The following DNAJC10 variants were observed in gnomAD, a reference collection of about 807,000 sequenced individuals.
DNAJC10 encodes the protein DnaJ heat shock protein family (Hsp40) member C10, also known as endoplasmic reticulum disulfide reductase DNAJC10.
Under a neutral mutation model 115.0 loss-of-function variants are expected in DNAJC10, and 101 were observed. The observed-to-expected ratio is 0.88, with a 90% CI of 0.75 to 1.04. The LOEUF is 1.04. DNAJC10 is among the 50% of genes least tolerant of loss of function. The pLI, the probability that DNAJC10 is intolerant of heterozygous loss-of-function variation, is 0.00. For synonymous variants in DNAJC10, 307 were observed against 301.5 expected (o/e 1.02, Z -0.19); for missense variants, 981 against 928.8 (o/e 1.06, Z -0.73).
intron 14 of DNAJC10, among the ~76,000 whole-genome samples, chr2:182,749,897 G>C (rs1468463415): frequency 2.0e-5 from 3 of 152,128 alleles, no homozygotes. Context: ...AAGGGCTGTG[G>C]TCATCTGAAG....
Position 182,775,393 on chromosome 2 carries a change from T to G in DNAJC10, c.2343T>G (p.Thr781=). Residue 781 remains threonine, a synonymous_variant, in exon 23 of 24, where the codon ACT becomes ACG. Coordinates refer to ENST00000264065, the MANE Select transcript of DNAJC10 (RefSeq NM_018981.4). ...CCTTAATAAGTGAAAAATTGGAAACTCTCCGAAATCAAGGCAAGAGGAATA... is the reference window on the plus strand; with the variant it reads ...CCTTAATAAGTGAAAAATTGGAAACGCTCCGAAATCAAGGCAAGAGGAATA... ...IAALISEKLE[T]LRNQGKRNKD... is the part of the protein sequence containing the mutation. The G allele has an allele frequency of 6.2e-7, 1 of 1,612,774 alleles. No individual in the cohort carries two copies. Among genetic ancestry groups the G allele is most frequent in the Non-Finnish European group, 8.5e-7 (1 of 1,179,206 alleles).
Position 182,743,626 on chromosome 2 carries a change from C to T in DNAJC10, c.1220C>T (p.Pro407Leu), listed in dbSNP as rs776733960. ...QVGRFDCSSA[P>L]DICSNLYVFQ... ...GGCAGGTTTGACTGTTCCTCTGCACCAGACATCTGTAGTAATCTGTATGTT... is the reference window on the plus strand; with the variant it reads ...GGCAGGTTTGACTGTTCCTCTGCACTAGACATCTGTAGTAATCTGTATGTT... Residue 407 changes from proline to leucine, a missense_variant, in exon 14 of 24, where the codon CCA (proline) becomes CTA (leucine). Physicochemically the swap from Pro to Leu is moderately conservative, Grantham distance 98. Coordinates refer to ENST00000264065, the MANE Select transcript of DNAJC10 (RefSeq NM_018981.4). 8 of 1,613,232 alleles carry T rather than the reference C, an allele frequency of 5.0e-6. No individual in the cohort carries two copies. In the South Asian group the frequency reaches 7.7e-5, roughly 16 times the overall value.
intron 10 of DNAJC10, among the ~76,000 whole-genome samples, chr2:182,733,883 A>G (rs1693517971): frequency 6.6e-6 from 1 of 151,418 alleles, no homozygotes; most frequent in African/African-American, 2.4e-5. Context: ...TCGTTCTTTG[A>G]AGCAAATGTG....
rs1224429683 is a variant in DNAJC10, at chr2:182,778,413, CAT to C, written c.*1282_*1283del. The C allele has an allele frequency of 2.6e-5, 4 of 152,074 alleles. No individual in the cohort carries two copies. The highest frequency in any genetic ancestry group is 5.9e-5 in the Non-Finnish European group (4 of 68,012). The allele number at this position is 152,074 out of a possible 1,614,324, so 9.4% of individuals were successfully genotyped here. A position where few individuals can be genotyped will look rare whatever the true frequency, so the allele number is the denominator to read the frequency against. The stretch of plus-strand genomic sequence containing the variant: ...CAAAGAATCACAAATTTGTCAGTAA[CAT>C]GTAGTTGTTTAGTTATAATTCAGAG... On this transcript the variant is annotated 3_prime_UTR_variant, in exon 24 of 24. Coordinates refer to ENST00000264065, the MANE Select transcript of DNAJC10 (RefSeq NM_018981.4).
chr2:182,756,341 C>G lies in DNAJC10; in HGVS notation c.1681C>G (p.Leu561Val). The G allele has an allele frequency of 1.9e-6, 3 of 1,613,826 alleles. No individual in the cohort carries two copies. Among genetic ancestry groups the G allele is most frequent in the Non-Finnish European group, 2.5e-6 (3 of 1,179,794 alleles). The change falls in exon 18 of 24, where the codon CTT becomes GTT. Residue 561 changes from leucine to valine, a missense_variant. Physicochemically the swap from Leu to Val is conservative, Grantham distance 32. Transcript: ENST00000264065. Reference protein sequence around the residue: ...EDLMNPSVVSLTPTTFNELVT... With the variant: ...EDLMNPSVVSVTPTTFNELVT... ...TCTTATGAATCCTTCAGTGGTCTCC[C>G]TTACACCCACCACCTTCAACGAACT... is the stretch of plus-strand genomic sequence containing the variant.
intron 16 of DNAJC10, chr2:182,754,717 A>G: frequency 4.5e-6 from 5 of 1,106,780 alleles, no homozygotes; most frequent in Non-Finnish European, 5.5e-6. Flanking sequence ...GTAAAAAGGG[A>G]CCATTCGTAT....
chr2:182,758,931 A>G, intron 20 of DNAJC10, 41 bp downstream of exon 20: 1 of 1,437,764 alleles, frequency 7.0e-7, no homozygotes, highest in East Asian at 2.3e-5. Flanking sequence ...AAATAGATTC[A>G]AAGCCATTTA....
In DNAJC10 at chr2:182,782,948, T is replaced by C. The variant is rs2105722381; in HGVS notation, c.*5816T>C. On this transcript the variant is annotated 3_prime_UTR_variant, in exon 24 of 24. Transcript: ENST00000264065. ...TGTCCTGGCCAGAACTTCCAGTACA[T>C]AGGAGTGGTGAGAGAGGGCATCCTT... is the stretch of plus-strand genomic sequence containing the variant. 6.6e-6 allele frequency: 1 copy of C among 152,088 alleles called. No individual in the cohort carries two copies. Among genetic ancestry groups the C allele is most frequent in the East Asian group, 1.9e-4 (1 of 5,168 alleles). 9.4% of individuals were successfully genotyped at this position (152,088 alleles called of 1,614,324 possible). A position where few individuals can be genotyped will look rare whatever the true frequency, so the allele number is the denominator to read the frequency against.
rs1403107583 is a variant in DNAJC10 at position 182,786,823 on chromosome 2, T to C, written c.*9691T>C. 6.6e-6 allele frequency: 1 copy of C among 152,214 alleles called. No homozygotes were observed. The highest frequency in any genetic ancestry group is 1.9e-4 in the East Asian group (1 of 5,196). The allele number at this position is 152,214 out of a possible 1,614,324, so 9.4% of individuals were successfully genotyped here. ...TCCCCTCCTGCTCTCCCTAAAATTA[T>C]GTTGAAATCCTAACCCCCAAGGTAA... On this transcript the variant is annotated 3_prime_UTR_variant, in exon 24 of 24. Transcript: ENST00000264065.
At chr2:182,769,338 C>T (rs1407164274) in intron 22 of DNAJC10, among the ~76,000 whole-genome samples, 9 of 152,116 alleles carry the variant, frequency 5.9e-5, no homozygotes, top group Admixed American at 5.9e-4. Context: ...TGGGTCTATA[C>T]CCAGTAGTGG....
Position 182,780,847 on chromosome 2 carries a change from C to T in DNAJC10, c.*3715C>T, listed in dbSNP as rs1389847203. On this transcript the variant is annotated 3_prime_UTR_variant, in exon 24 of 24. Transcript: ENST00000264065. ...ACTCCAGAAATGCATCTTTCAACCA[C>T]TTGATTGCATTAAGTAGTCATTTGA... 1 of 152,152 alleles carries T rather than the reference C, an allele frequency of 6.6e-6. No homozygotes were observed. The highest frequency in any genetic ancestry group is 1.5e-5 in the Non-Finnish European group (1 of 68,018). 9.4% of individuals were successfully genotyped at this position (152,152 alleles called of 1,614,324 possible).
chr2:182,753,541 TAAAC>T lies in DNAJC10; in HGVS notation c.1551+1356_1551+1359del, dbSNP rs111650126. Reference sequence around the variant, plus strand: ...AACCAAAGATACAAAATTGATGTGATAAACAATAATTATCTTAATTTTAATTTCT... The same window carrying T: ...AACCAAAGATACAAAATTGATGTGATAATAATTATCTTAATTTTAATTTCT... On this transcript the variant is annotated intron_variant, in intron 16 of 23. Transcript: ENST00000264065. Among the ~76,000 whole-genome samples the T allele has an allele frequency of 7.8e-3, 1,173 of 150,352 alleles. 6 individuals carry two copies. Among genetic ancestry groups the T allele is most frequent in the South Asian group, 0.032 (152 of 4,752 alleles).
Position 182,762,726 on chromosome 2 carries a change from T to C in DNAJC10, c.2190T>C (p.Ala730=), listed in dbSNP as rs1282093524. 2 of 1,612,586 alleles carry C rather than the reference T, an allele frequency of 1.2e-6. No individual in the cohort carries two copies. The highest frequency in any genetic ancestry group is 2.2e-5 in the East Asian group (1 of 44,808). Residue 730 remains alanine (A), a synonymous_variant, in exon 22 of 24, where the codon GCT becomes GCC. Coordinates refer to ENST00000264065, the MANE Select transcript of DNAJC10 (RefSeq NM_018981.4). ...KVKAGKVDCQ[A]YAQTCQKAGI... is the part of the protein sequence containing the mutation. ...AAGCTGGAAAAGTAGACTGTCAGGC[T>C]TATGCTCAGACATGCCAGAAAGCTG...
rs989916911 is a variant in DNAJC10 at position 182,782,807 on chromosome 2, G to C, written c.*5675G>C. 2 of 152,140 alleles carry C rather than the reference G, an allele frequency of 1.3e-5. No individual in the cohort carries two copies. The highest frequency in any genetic ancestry group is 2.9e-5 in the Non-Finnish European group (2 of 68,034). 9.4% of individuals were successfully genotyped at this position (152,140 alleles called of 1,614,324 possible). ...TGCTGAAGTTGCTTATCAGCTTAAG[G>C]AGTTTTTGGGCTGAGATGATGGGGT... On this transcript the variant is annotated 3_prime_UTR_variant, in exon 24 of 24. Transcript: ENST00000264065.
intron 22 of DNAJC10, among the ~76,000 whole-genome samples, chr2:182,768,637 A>G (rs1008653013): frequency 6.6e-6 from 1 of 152,170 alleles, no homozygotes; most frequent in African/African-American, 2.4e-5. Context: ...AGGTGGCCCC[A>G]GATCCAAATA....
chr2:182,720,266 C>A, intron 4 of DNAJC10, 97 bp downstream of exon 4: 1 of 989,822 alleles, frequency 1.0e-6, no homozygotes, highest in Non-Finnish European at 1.5e-6. Flanking sequence ...TAAGATGCGT[C>A]ACTTTGATTA....
Position 182,721,956 on chromosome 2 carries a change from T to A in DNAJC10, c.368-69T>A, listed in dbSNP as rs77712924. The A allele has an allele frequency of 1.3e-3, 1,163 of 863,454 alleles. 9 individuals are homozygous for A. The African/African-American group carries it at 0.019, about 14-fold the overall frequency. 53.5% of individuals were successfully genotyped at this position (863,454 alleles called of 1,614,324 possible). On this transcript the variant is annotated intron_variant, in intron 4 of 23. Coordinates refer to ENST00000264065, the MANE Select transcript of DNAJC10 (RefSeq NM_018981.4). ...TTTTTTTGATGATTAAAACGAGTAATCTATTTTTATGTTGCAATTTATATG... is the reference window on the plus strand; with the variant it reads ...TTTTTTTGATGATTAAAACGAGTAAACTATTTTTATGTTGCAATTTATATG...
rs1397968174 is a variant in DNAJC10 at position 182,788,870 on chromosome 2, GTCT to G, written c.*11743_*11745del. 3 of 449,746 alleles carry G rather than the reference GTCT, an allele frequency of 6.7e-6. No individual in the cohort carries two copies. Among genetic ancestry groups the G allele is most frequent in the East Asian group, 7.0e-5 (1 of 14,352 alleles). The allele number at this position is 449,746 out of a possible 1,614,324, so 27.9% of individuals were successfully genotyped here. On this transcript the variant is annotated 3_prime_UTR_variant, in exon 24 of 24. Coordinates refer to ENST00000264065, the MANE Select transcript of DNAJC10 (RefSeq NM_018981.4). Reference sequence around the variant, plus strand: ...GATTTCACGTTAAAGGTCATTTTGTGTCTTCTTTAAAACTCTTGATTCCTTTTA... The same window carrying G: ...GATTTCACGTTAAAGGTCATTTTGTGTCTTTAAAACTCTTGATTCCTTTTA...
rs1201549317 is a variant in DNAJC10 at position 182,779,740 on chromosome 2, TTAAATTTGCTC to T, written c.*2610_*2620del. ...TAATTTTATATTCTCAAAATTTTCT[TTAAATTTGCTC>T]TGTTTTCTGACAGTGCTCAAAGTGG... On this transcript the variant is annotated 3_prime_UTR_variant, in exon 24 of 24. Transcript: ENST00000264065. The T allele has an allele frequency of 6.6e-6, 1 of 152,222 alleles. No homozygotes were observed. The highest frequency in any genetic ancestry group is 2.4e-5 in the African/African-American group (1 of 41,464). The allele number at this position is 152,222 out of a possible 1,614,324, so 9.4% of individuals were successfully genotyped here. A position where few individuals can be genotyped will look rare whatever the true frequency, so the allele number is the denominator to read the frequency against.
Sources: allele counts gnomAD v4.1 joint callset (sites outside exome capture counted in the v4.1 genomes callset), GRCh38; gene constraint gnomAD v4.1.1; transcripts MANE v1.5; gene names NCBI Gene and HGNC (gene_info 2026-07-23, HGNC 2026-07-21).